Variants in PGBD2 observed in about 807,000 individuals in gnomAD.
PGBD2 encodes the protein piggyBac transposable element derived 2, also known as piggyBac transposable element-derived protein 2.
In PGBD2, 6 loss-of-function variants were observed where a neutral mutation model predicts 8.1. The observed-to-expected ratio is 0.74, with a 90% CI of 0.40 to 1.46. PGBD2 has a LOEUF of 1.46. Ranked by LOEUF, PGBD2 falls within the 40% of genes most tolerant of loss-of-function variation. The pLI, the probability that PGBD2 is intolerant of heterozygous loss-of-function variation, is 0.02. For missense variants in PGBD2, 802 were observed against 739.0 expected (o/e 1.09, Z -0.99); for synonymous variants, 318 against 272.2 (o/e 1.17, Z -1.66).
At chr1:248,915,246 C>A (rs1233262082) in intron 2 of PGBD2, among the ~76,000 whole-genome samples, 1 of 152,220 alleles carries the variant, frequency 6.6e-6, no homozygotes, top group East Asian at 1.9e-4. Flanking sequence ...CCCTGGGCAG[C>A]ACCTGCTCAC....
At chr1:248,928,657 G>T in the PGBD2 span, among the ~76,000 whole-genome samples, 1 of 152,194 alleles carries the variant, frequency 6.6e-6, no homozygotes, top group Non-Finnish European at 1.5e-5. Flanking sequence ...AGAGGACCTT[G>T]TGCATGAATA....
chr1:248,924,718 T>A (rs988300257), downstream of PGBD2, among the ~76,000 whole-genome samples: 2 of 152,222 alleles, frequency 1.3e-5, no homozygotes, highest in East Asian at 3.8e-4. Context: ...TTCTGTCTCT[T>A]TAACTGAGAA....
the PGBD2 span, among the ~76,000 whole-genome samples, chr1:248,889,538 C>G: frequency 6.6e-6 from 1 of 152,298 alleles, no homozygotes; most frequent in East Asian, 1.9e-4. Flanking sequence ...CAAACAAACA[C>G]TGCAAGCTCC....
the PGBD2 span, among the ~76,000 whole-genome samples, chr1:248,873,684 C>G: frequency 6.6e-6 from 1 of 152,232 alleles, no homozygotes; most frequent in Non-Finnish European, 1.5e-5. Context: ...TCGGCCACTC[C>G]TGGCTGCATT....
At chr1:248,877,368 C>T in the PGBD2 span, among the ~76,000 whole-genome samples, 1 of 152,320 alleles carries the variant, frequency 6.6e-6, no homozygotes, top group South Asian at 2.1e-4. Context: ...CTTGCCGTGG[C>T]TCACTGCAGC....
In PGBD2 at chr1:248,916,735, G is replaced by C. The variant is rs1445346317; in HGVS notation, c.151G>C (p.Ala51Pro). 1.2e-6 allele frequency: 2 copies of C among 1,614,192 alleles called. No homozygotes were observed. The highest frequency in any genetic ancestry group is 2.2e-5 in the South Asian group (2 of 91,086). ...TTTCATTGCACCTCCCGACAATGCTGCGGGGGAATTCACTGATGAGGACTC... is the reference window on the plus strand; with the variant it reads ...TTTCATTGCACCTCCCGACAATGCTCCGGGGGAATTCACTGATGAGGACTC... ...EIFIAPPDNA[A>P]GEFTDEDSGD... The change falls in exon 3 of 3, where the codon GCG becomes CCG. Residue 51 changes from alanine (A) to proline (P), a missense_variant. Transcript: ENST00000329291.
the PGBD2 span, among the ~76,000 whole-genome samples, chr1:248,900,377 T>C: frequency 1.1e-4 from 16 of 152,112 alleles, no homozygotes; most frequent in African/African-American, 1.9e-4. Flanking sequence ...CAGCATCACA[T>C]CAAAAAGCTT....
At chr1:248,914,648 G>GCA (rs987478610) in intron 2 of PGBD2, 1 of 1,242,900 alleles carries the variant, frequency 8.0e-7, no homozygotes, top group African/African-American at 1.5e-5. Flanking sequence ...CTGCAAAGGG[G>GCA]CACAGGGAAG....
chr1:248,883,395 T>C, the PGBD2 span, among the ~76,000 whole-genome samples: 1 of 152,118 alleles, frequency 6.6e-6, no homozygotes, highest in Non-Finnish European at 1.5e-5. Context: ...GTGCTGGGAT[T>C]ACAGGTGTGA....
chr1:248,912,170 C>T (rs1245847958), intron 1 of PGBD2, among the ~76,000 whole-genome samples: 7 of 152,102 alleles, frequency 4.6e-5, no homozygotes, highest in Non-Finnish European at 8.8e-5. Context: ...ATGTGCAAAT[C>T]CCCCTACTCC....
At chr1:248,878,837 C>G in the PGBD2 span, among the ~76,000 whole-genome samples, 3 of 152,136 alleles carry the variant, frequency 2.0e-5, no homozygotes, top group Admixed American at 1.3e-4. Flanking sequence ...ATGGGTGGCT[C>G]GCCGCTATTG....
At chr1:248,878,438 A>G in the PGBD2 span, among the ~76,000 whole-genome samples, 1 of 152,078 alleles carries the variant, frequency 6.6e-6, no homozygotes, top group Non-Finnish European at 1.5e-5. Flanking sequence ...CGGCCTCCCA[A>G]AGTGCTGGGA....
chr1:248,910,528 C>T (rs917296531), intron 1 of PGBD2, among the ~76,000 whole-genome samples: 5 of 152,328 alleles, frequency 3.3e-5, no homozygotes, highest in Admixed American at 6.5e-5. Flanking sequence ...TTTCCAAAAT[C>T]GCACAGCTCA....
At chr1:248,922,294 C>T (rs1221200907), downstream of PGBD2, among the ~76,000 whole-genome samples, 4 of 152,054 alleles carry the variant, frequency 2.6e-5, no homozygotes, top group Non-Finnish European at 5.9e-5. Context: ...CTCCTGACCT[C>T]GTGATCCACC....
At position 248,917,682 on chromosome 1, in the gene PGBD2, G is replaced by A; in HGVS notation, c.1098G>A (p.Lys366=). The change falls in exon 3 of 3, where the codon AAG becomes AAA. Residue 366 remains lysine (K), a synonymous_variant. Coordinates refer to ENST00000329291, the MANE Select transcript of PGBD2 (RefSeq NM_170725.3). ...AACTGATGTCCATTTTGAGGAAAAA[G>A]GGGGTGAAAGCCACAGGAACTGTTC... ...SVKLMSILRK[K]GVKATGTVRE... is the part of the protein sequence containing the mutation. 6.2e-7 allele frequency: 1 copy of A among 1,613,956 alleles called. No individual in the cohort carries two copies.
chr1:248,908,570 G>C (rs1263361453), intron 1 of PGBD2, among the ~76,000 whole-genome samples: 3 of 152,052 alleles, frequency 2.0e-5, no homozygotes, highest in Non-Finnish European at 4.4e-5. Context: ...TTTTGCCGTA[G>C]CCTTTTTGTC....
At chr1:248,884,347 GTT>G in the PGBD2 span, among the ~76,000 whole-genome samples, 3 of 147,386 alleles carry the variant, frequency 2.0e-5, no homozygotes, top group East Asian at 2.0e-4. Flanking sequence ...TTTTGTTTGT[GTT>G]TTTTTTTTTG....
chr1:248,883,940 C>T, the PGBD2 span, among the ~76,000 whole-genome samples: 1 of 152,084 alleles, frequency 6.6e-6, no homozygotes, highest in Non-Finnish European at 1.5e-5. Flanking sequence ...TTAATTAGGT[C>T]CCACCTGCCA....
chr1:248,927,019 A>C, the PGBD2 span, among the ~76,000 whole-genome samples: 1 of 152,084 alleles, frequency 6.6e-6, no homozygotes, highest in African/African-American at 2.4e-5. Context: ...GTTGTCATGC[A>C]GTGACTCATG....
Sources: gnomAD v4.1 joint callset for allele counts (sites outside exome capture counted in the v4.1 genomes callset) on GRCh38, gnomAD v4.1.1 for gene constraint, MANE v1.5 for transcripts, NCBI Gene and HGNC (gene_info 2026-07-23, HGNC 2026-07-21) for gene names.